Variants in GMDS observed in about 807,000 individuals in gnomAD.
GMDS encodes the protein GDP-mannose 4,6 dehydratase.
GMDS carries 20 observed loss-of-function variants against 49.9 expected under a neutral mutation model. The observed-to-expected ratio is 0.40, with a 90% confidence interval of 0.28 to 0.58. The LOEUF (loss-of-function observed/expected upper bound fraction) is 0.58, where lower values mean the gene tolerates loss of function less well. GMDS is among the 20% of genes least tolerant of loss of function. The pLI is 0.42. For missense variants in GMDS, 362 were observed against 481.4 expected (o/e 0.75, Z 2.32); for synonymous variants, 177 against 178.6 (o/e 0.99, Z 0.07).
rs1247176375 is a variant in GMDS at position 1,778,974 on chromosome 6, C to T, written c.772-36388G>A. Among the ~76,000 whole-genome samples the T allele has an allele frequency of 1.3e-5, 2 of 152,158 alleles. No individual in the cohort carries two copies. Among genetic ancestry groups the T allele is most frequent in the Non-Finnish European group, 2.9e-5 (2 of 68,024 alleles). On this transcript the variant is annotated intron_variant, in intron 7 of 10. Transcript: ENST00000380815. This position sits in a 1 kb window ranked among gnomAD's most constrained non-coding sequence, Gnocchi z 4.6. ...TTCAAAGGCCTACCCCATCATCTCG[C>T]AGTGCTGGCGTGGCCTCCCATGCTG...
intron 9 of GMDS, among the ~76,000 whole-genome samples, chr6:1,680,394 A>G (rs1764750154): frequency 6.6e-6 from 1 of 152,194 alleles, no homozygotes; most frequent in Admixed American, 6.5e-5. Context: ...CCCTATCAGA[A>G]TTTAAATGTT....
rs553179618 is a variant in GMDS, at chr6:1,863,397, C to A, written c.771+66706G>T. ...TGGGAGTGGAAACAGCACCCACAAA[C>A]GTTTGGCTGTAAAACTCTAAGGTAT... On this transcript the variant is annotated intron_variant, in intron 7 of 10. Transcript: ENST00000380815. Among the ~76,000 whole-genome samples the A allele has an allele frequency of 6.6e-5, 10 of 152,254 alleles. No individual in the cohort carries two copies. The South Asian group carries it at 1.5e-3, about 22-fold the overall frequency.
intron 4 of GMDS, among the ~76,000 whole-genome samples, chr6:2,014,436 G>A (rs965833728): frequency 6.6e-6 from 1 of 151,992 alleles, no homozygotes; most frequent in African/African-American, 2.4e-5. Flanking sequence ...GAGGTGGAAG[G>A]GAGATGTTCA....
chr6:1,944,063 T>C (rs573597483), intron 6 of GMDS, among the ~76,000 whole-genome samples: 4 of 152,358 alleles, frequency 2.6e-5, no homozygotes, highest in South Asian at 2.1e-4. Context: ...TACTTCAGAA[T>C]TGATAGAGCT....
intron 1 of GMDS, chr6:2,175,818 T>C (rs1778257068): frequency 3.1e-6 from 2 of 651,284 alleles, no homozygotes; most frequent in Admixed American, 2.4e-5. Flanking sequence ...TTAAAACATG[T>C]TGTAAGCACC....
intron 2 of GMDS, among the ~76,000 whole-genome samples, chr6:2,121,294 C>T (rs748684815): frequency 3.3e-5 from 5 of 152,062 alleles, no homozygotes; most frequent in Non-Finnish European, 5.9e-5. Context: ...AATCAAAGAG[C>T]GATTGTCCAT....
intron 7 of GMDS, among the ~76,000 whole-genome samples, chr6:1,913,464 G>C (rs919291012): frequency 8.6e-5 from 13 of 151,434 alleles, no homozygotes; most frequent in South Asian, 8.3e-4. Context: ...GCCTCAGTTT[G>C]CTGCCAAGGA....
At chr6:1,919,852 A>G (rs561737285) in intron 7 of GMDS, among the ~76,000 whole-genome samples, 1 of 152,330 alleles carries the variant, frequency 6.6e-6, no homozygotes, top group East Asian at 1.9e-4. Flanking sequence ...CTTACCGTTG[A>G]TGCCCTGGGC....
At chr6:1,744,984 C>CGT (rs1767423952) in intron 7 of GMDS, among the ~76,000 whole-genome samples, 1 of 132,440 alleles carries the variant, frequency 7.6e-6, no homozygotes, top group Non-Finnish European at 1.8e-5. Context: ...CAGAGGCACA[C>CGT]GTGCACACAC....
intron 8 of GMDS, among the ~76,000 whole-genome samples, chr6:1,727,409 T>C (rs1250149843): frequency 6.7e-6 from 1 of 148,868 alleles, no homozygotes; most frequent in Non-Finnish European, 1.5e-5. Context: ...TTTGGGTTAT[T>C]TATTTTTACA....
intron 9 of GMDS, among the ~76,000 whole-genome samples, chr6:1,698,806 G>C (rs1162311170): frequency 1.8e-5 from 1 of 55,056 alleles, no homozygotes; most frequent in Non-Finnish European, 4.2e-5. Flanking sequence ...TTTTTTTTTT[G>C]GTGGGGGCAC....
intron 4 of GMDS, among the ~76,000 whole-genome samples, chr6:2,075,526 G>A (rs536007455): frequency 6.6e-6 from 1 of 152,234 alleles, no homozygotes; most frequent in East Asian, 1.9e-4. Flanking sequence ...TTGTCCTTGC[G>A]AAAGTTTGCT....
At chr6:2,028,028 T>C (rs1768710949) in intron 4 of GMDS, among the ~76,000 whole-genome samples, 2 of 152,192 alleles carry the variant, frequency 1.3e-5, no homozygotes, top group African/African-American at 4.8e-5. Context: ...ACAGAACTCT[T>C]GGCGAAAGCT....
intron 9 of GMDS, among the ~76,000 whole-genome samples, chr6:1,675,934 C>T (rs1435482829): frequency 6.6e-6 from 1 of 151,944 alleles, no homozygotes; most frequent in African/African-American, 2.4e-5. Context: ...CTATAAACAC[C>T]TCTACACAAA....
chr6:1,987,345 A>G (rs1470846971), intron 4 of GMDS, among the ~76,000 whole-genome samples: 1 of 152,180 alleles, frequency 6.6e-6, no homozygotes, highest in Admixed American at 6.5e-5. Context: ...TTTAAAATCT[A>G]CTGAAAATTG....
chr6:1,629,038 C>T (rs1762921787), intron 9 of GMDS, among the ~76,000 whole-genome samples: 1 of 152,136 alleles, frequency 6.6e-6, no homozygotes, highest in Admixed American at 6.5e-5. Flanking sequence ...TAAACAACAA[C>T]AAAAAGCCTC....
rs138826708 is a variant in GMDS at position 2,012,118 on chromosome 6, G to A, written c.346-51152C>T. Among the ~76,000 whole-genome samples the A allele has an allele frequency of 2.6e-5, 4 of 152,202 alleles. No homozygotes were observed. The East Asian group carries it at 5.8e-4, about 22-fold the overall frequency. On this transcript the variant is annotated intron_variant, in intron 4 of 10. Transcript: ENST00000380815. ...AAGATATCACAGACTTGGAAGGGCA[G>A]GAGGGGGGTGAGGGATGAGAAATTA...
intron 7 of GMDS, among the ~76,000 whole-genome samples, chr6:1,874,251 A>G (rs77584546): frequency 0.03 from 4,597 of 152,320 alleles, 219 homozygotes; most frequent in African/African-American, 0.1. Context: ...AGGCTGGTAG[A>G]AAGAAATGTG....
chr6:1,650,112 G>C (rs1046738228), intron 9 of GMDS, among the ~76,000 whole-genome samples: 25 of 152,194 alleles, frequency 1.6e-4, no homozygotes, highest in Admixed American at 7.2e-4. Flanking sequence ...GGTTCCCTCG[G>C]CCACGCAGCT....
Sources: allele counts gnomAD v4.1 joint callset (sites outside exome capture counted in the v4.1 genomes callset), GRCh38; gene constraint gnomAD v4.1.1; non-coding constraint Gnocchi (gnomAD v3.1); transcripts MANE v1.5; gene names NCBI Gene and HGNC (gene_info 2026-07-23, HGNC 2026-07-21).